Variants in WBP2NL observed in about 807,000 individuals in gnomAD.
WBP2NL encodes postacrosomal sheath WW domain-binding protein.
WBP2NL carries 27 observed loss-of-function variants against 23.3 expected under a neutral mutation model. That is an observed-to-expected ratio of 1.16 (90% CI 0.85 to 1.60). The LOEUF (loss-of-function observed/expected upper bound fraction) is 1.60. WBP2NL is among the 40% of genes most tolerant of loss of function. The pLI, the probability that WBP2NL is intolerant of heterozygous loss-of-function variation, is 0.00. For synonymous variants in WBP2NL, 151 were observed against 145.9 expected, an observed-to-expected ratio of 1.03 and a Z score of -0.25; for missense variants, 370 against 389.5, an observed-to-expected ratio of 0.95 and a Z score of 0.42.
intron 5 of WBP2NL, among the ~76,000 whole-genome samples, chr22:42,023,741 C>T (rs545093226): frequency 7.5e-4 from 114 of 152,120 alleles, no homozygotes; most frequent in African/African-American, 1.9e-3. Flanking sequence ...GTGATCCGCC[C>T]GCCTCAGCCT....
chr22:42,013,784 AT>A (rs755939947), intron 1 of WBP2NL, among the ~76,000 whole-genome samples: 227 of 143,022 alleles, frequency 1.6e-3, no homozygotes, highest in Admixed American at 1.6e-3. Context: ...TAAATTTTTA[AT>A]TTTTTTTTTT....
At chr22:42,034,673 T>C (rs1224433763), downstream of WBP2NL, among the ~76,000 whole-genome samples, 1 of 152,172 alleles carries the variant, frequency 6.6e-6, no homozygotes, top group Non-Finnish European at 1.5e-5. Context: ...TGGAGTTTAT[T>C]TCACCTCTGC....
At chr22:42,050,593 AG>A (rs1433466185) in intron 8 of WBP2NL, among the ~76,000 whole-genome samples, 2 of 151,888 alleles carry the variant, frequency 1.3e-5, no homozygotes, top group African/African-American at 4.8e-5. Flanking sequence ...GGTTGCAGTG[AG>A]CCGAGATCAT....
intron 4 of WBP2NL, among the ~76,000 whole-genome samples, chr22:42,020,866 GTGTATATATATATATATATATA>G (rs1194746690): frequency 1.3e-4 from 2 of 15,590 alleles, no homozygotes; most frequent in East Asian, 1.8e-3. Flanking sequence ...GTGTGTGTGT[GTGTATATATATATATATATATA>G]TATATATATA....
At chr22:42,031,475 T>G (rs1924943011), downstream of WBP2NL, 1 of 152,178 alleles carries the variant, frequency 6.6e-6, no homozygotes, top group Non-Finnish European at 1.5e-5. Context: ...GAAACTATAC[T>G]CTGTTGTCTA....
At chr22:42,003,581 T>G (rs1478888531) in intron 1 of WBP2NL, 1 of 152,146 alleles carries the variant, frequency 6.6e-6, no homozygotes, top group African/African-American at 2.4e-5. Context: ...GTTTGTACTT[T>G]GTATACAAAT....
intron 8 of WBP2NL, among the ~76,000 whole-genome samples, chr22:42,052,390 T>C (rs1319823486): frequency 1.3e-5 from 2 of 152,108 alleles, no homozygotes; most frequent in African/African-American, 2.4e-5. Flanking sequence ...GCGATTCTTG[T>C]GCCCCAGCCT....
chr22:42,040,608 T>G (rs1476856406), intron 8 of WBP2NL, among the ~76,000 whole-genome samples: 5 of 152,260 alleles, frequency 3.3e-5, no homozygotes, highest in African/African-American at 1.2e-4. Flanking sequence ...CTGTAAATTT[T>G]AGAAAGTTAG....
rs780407366 is a variant in WBP2NL at position 42,027,626 on chromosome 22, C to T, written c.*445C>T. ...TCAATAGTAAGAGTGTTATAAATTA[C>T]GGTGGATCCACAAAATGGAGTATTA... is the stretch of plus-strand genomic sequence containing the variant. On this transcript the variant is annotated 3_prime_UTR_variant, in exon 6 of 6. Transcript: ENST00000328823. 8.0e-5 allele frequency: 21 copies of T among 262,058 alleles called. No homozygotes were observed. The South Asian group carries it at 1.0e-3, about 13-fold the overall frequency. 16.2% of individuals were successfully genotyped at this position (262,058 alleles called of 1,614,324 possible).
chr22:42,007,074 A>G (rs1361574082), intron 1 of WBP2NL, among the ~76,000 whole-genome samples: 1 of 152,212 alleles, frequency 6.6e-6, no homozygotes, highest in East Asian at 1.9e-4. Flanking sequence ...TTTTTTCTCC[A>G]ACTGCTTTAT....
intron 8 of WBP2NL, among the ~76,000 whole-genome samples, chr22:42,049,673 G>C (rs1925743042): frequency 1.7e-5 from 2 of 118,658 alleles, no homozygotes; most frequent in African/African-American, 6.9e-5. Flanking sequence ...CTGGGTGACA[G>C]AGCGAGACTC....
chr22:42,057,708 G>A (rs1008799573), intron 8 of WBP2NL, among the ~76,000 whole-genome samples: 3 of 150,354 alleles, frequency 2.0e-5, no homozygotes, highest in Non-Finnish European at 4.4e-5. Context: ...TATTTTACTG[G>A]ATCTTGATTT....
chr22:42,001,425 GCA>G (rs1921664844), intron 1 of WBP2NL: 4 of 808,000 alleles, frequency 5.0e-6, no homozygotes, highest in Non-Finnish European at 8.4e-6. Context: ...ATAATACCCT[GCA>G]CAGACACGTT....
intron 5 of WBP2NL, among the ~76,000 whole-genome samples, chr22:42,023,190 T>TG (rs1462539980): frequency 1.0e-4 from 1 of 9,578 alleles, no homozygotes; most frequent in African/African-American, 2.9e-4. Flanking sequence ...AAAAGTGGTG[T>TG]TTTTTTTTTT....
intron 4 of WBP2NL, among the ~76,000 whole-genome samples, chr22:42,020,883 TATATATATATATATATATA>T: frequency 2.6e-5 from 1 of 37,816 alleles, no homozygotes; most frequent in Non-Finnish European, 5.4e-5. Flanking sequence ...TATATATATA[TATATATATATATATATATA>T]TATATATTTT....
intron 8 of WBP2NL, among the ~76,000 whole-genome samples, chr22:42,045,546 T>C (rs1925555351): frequency 6.6e-6 from 1 of 152,146 alleles, no homozygotes. Context: ...GAAAAATCAC[T>C]GTTGATCCCA....
At chr22:42,039,980 C>T (rs1925341149) in intron 8 of WBP2NL, among the ~76,000 whole-genome samples, 1 of 151,294 alleles carries the variant, frequency 6.6e-6, no homozygotes, top group Non-Finnish European at 1.5e-5. Flanking sequence ...GGCTCAACCT[C>T]AGCTCACTGC....
At position 42,050,807 on chromosome 22, in the gene WBP2NL, C is replaced by T. The variant is rs150389648; in HGVS notation, c.*274-7483C>T. 3.9e-5 allele frequency among the ~76,000 whole-genome samples: 6 copies of T among 152,318 alleles called. No individual in the cohort carries two copies. The East Asian group carries it at 9.6e-4, about 24-fold the overall frequency. ...GCAAATTAAAACAGATACTATTATACACCTATTACAATGGCTAAAATCCAA... is the reference window on the plus strand; with the variant it reads ...GCAAATTAAAACAGATACTATTATATACCTATTACAATGGCTAAAATCCAA... On this transcript the variant is annotated intron_variant and NMD_transcript_variant, in intron 8 of 8. Transcript: ENST00000436265.
chr22:42,008,170 T>TC (rs1922466735), intron 1 of WBP2NL, among the ~76,000 whole-genome samples: 2 of 141,416 alleles, frequency 1.4e-5, no homozygotes, highest in Admixed American at 7.3e-5. Context: ...TCCTTTCCTT[T>TC]CTCCCTCCCT....
Sources: allele counts gnomAD v4.1 joint callset (sites outside exome capture counted in the v4.1 genomes callset), GRCh38; gene constraint gnomAD v4.1.1; transcripts MANE v1.5; gene names NCBI Gene and HGNC (gene_info 2026-07-23, HGNC 2026-07-21).